XIRP2: variants seen among roughly 807,000 people sequenced by gnomAD.
XIRP2 encodes the protein xin actin binding repeat containing 2.
In XIRP2, 236 loss-of-function variants were observed where a neutral mutation model predicts 277.0. The observed-to-expected ratio is 0.85, with a 90% CI of 0.77 to 0.95. XIRP2 has a LOEUF of 0.95. Among genes scored for constraint, XIRP2 ranks in the 40% least tolerant of loss-of-function variants. The pLI, the probability that XIRP2 is intolerant of heterozygous loss-of-function variation, is 0.00. For missense variants in XIRP2, 4,640 were observed against 4,157.5 expected, an observed-to-expected ratio of 1.12 and a Z score of -3.19; for synonymous variants, 1,490 against 1,416.5, an observed-to-expected ratio of 1.05 and a Z score of -1.17.
intron 1 of XIRP2, chr2:166,889,677 G>C (rs190056840): frequency 2.0e-5 from 3 of 152,656 alleles, no homozygotes; most frequent in Non-Finnish European, 2.9e-5. Context: ...CTCCTTAAAA[G>C]CTCCTTTAGC....
At chr2:166,945,648 T>A (rs1279826937) in intron 2 of XIRP2, among the ~76,000 whole-genome samples, 3 of 150,844 alleles carry the variant, frequency 2.0e-5, no homozygotes, top group African/African-American at 7.3e-5. Flanking sequence ...ATGGCACTGC[T>A]TTACTAAGAT....
chr2:166,898,700 C>T (rs1038664690), intron 1 of XIRP2, among the ~76,000 whole-genome samples: 6 of 152,064 alleles, frequency 3.9e-5, no homozygotes, highest in African/African-American at 1.2e-4. Flanking sequence ...GTAACCACCA[C>T]AGCAATCAAG....
intron 2 of XIRP2, among the ~76,000 whole-genome samples, chr2:166,929,801 T>A (rs1386462295): frequency 6.6e-6 from 1 of 152,194 alleles, no homozygotes; most frequent in Non-Finnish European, 1.5e-5. Context: ...GCCTTTTTAC[T>A]TTTGGCTTCG....
At chr2:167,069,644 C>A (rs1046590916) in intron 2 of XIRP2, among the ~76,000 whole-genome samples, 1 of 152,146 alleles carries the variant, frequency 6.6e-6, no homozygotes, top group Non-Finnish European at 1.5e-5. Flanking sequence ...GCTGCCCCGA[C>A]CCCGACCCTC....
chr2:167,247,594 A>T lies in XIRP2; in HGVS notation c.6202A>T (p.Thr2068Ser), dbSNP rs1307029793. The T allele has an allele frequency of 6.2e-7, 1 of 1,613,748 alleles. No individual in the cohort carries two copies. The highest frequency in any genetic ancestry group is 1.1e-5 in the South Asian group (1 of 91,078). ...SGDKTGVWTD[T>S]TGEQHLRDEY... ...AGACAAAACGGGTGTCTGGACTGAT[A>T]CTACAGGAGAACAGCATCTTAGAGA... Residue 2068 changes from threonine (T) to serine (S), a missense_variant, in exon 9 of 11, where the codon ACT (threonine) becomes TCT (serine). Thr to Ser is a moderately conservative substitution (Grantham distance 58). Transcript: ENST00000409195.
intron 1 of XIRP2, among the ~76,000 whole-genome samples, chr2:166,896,603 G>C (rs1445137202): frequency 6.6e-6 from 1 of 151,908 alleles, no homozygotes; most frequent in African/African-American, 2.4e-5. Context: ...GAGTCAAAAA[G>C]TTTTAAAAAT....
chr2:167,025,708 A>G (rs1385096169), intron 2 of XIRP2, among the ~76,000 whole-genome samples: 1 of 152,044 alleles, frequency 6.6e-6, no homozygotes, highest in Non-Finnish European at 1.5e-5. Flanking sequence ...TCATTTCGTT[A>G]TGTACCCAGT....
intron 3 of XIRP2, among the ~76,000 whole-genome samples, chr2:167,173,738 A>G (rs1158367103): frequency 4.6e-5 from 7 of 152,172 alleles, no homozygotes; most frequent in East Asian, 1.9e-4. Context: ...ACTAATTTAC[A>G]TATTTACTTA....
intron 2 of XIRP2, among the ~76,000 whole-genome samples, chr2:167,128,425 A>G (rs1374415696): frequency 6.6e-6 from 1 of 152,068 alleles, no homozygotes; most frequent in Admixed American, 6.6e-5. Context: ...TCTGCAACAA[A>G]CCATGCACGG....
At chr2:166,926,650 C>T (rs956028176) in intron 2 of XIRP2, among the ~76,000 whole-genome samples, 1 of 152,106 alleles carries the variant, frequency 6.6e-6, no homozygotes, top group African/African-American at 2.4e-5. Flanking sequence ...TTTCAAGTGG[C>T]ATCACTTTCT....
At chr2:167,110,158 G>C (rs2390513) in intron 2 of XIRP2, among the ~76,000 whole-genome samples, 40,271 of 151,960 alleles carry the variant, frequency 0.27, 7,685 homozygotes, top group African/African-American at 0.54. Context: ...CTTTTGTTGT[G>C]CAGAAATTCT....
At chr2:167,179,117 G>A (rs1422817339) in intron 3 of XIRP2, among the ~76,000 whole-genome samples, 1 of 151,916 alleles carries the variant, frequency 6.6e-6, no homozygotes, top group Non-Finnish European at 1.5e-5. Flanking sequence ...TTCTTTTTAT[G>A]TATATTTTTC....
At chr2:167,081,333 G>A (rs1305040243) in intron 2 of XIRP2, among the ~76,000 whole-genome samples, 1 of 152,098 alleles carries the variant, frequency 6.6e-6, no homozygotes, top group Admixed American at 6.6e-5. Context: ...ACTTAGTTGG[G>A]CCTGTAGTCT....
chr2:167,012,197 T>C (rs951184316), intron 2 of XIRP2, among the ~76,000 whole-genome samples: 4 of 151,968 alleles, frequency 2.6e-5, no homozygotes, highest in African/African-American at 9.7e-5. Flanking sequence ...TGTGGGCATT[T>C]AGTGCTATAA....
intron 2 of XIRP2, among the ~76,000 whole-genome samples, chr2:166,952,094 G>A (rs1019877451): frequency 6.6e-5 from 10 of 151,982 alleles, no homozygotes; most frequent in Admixed American, 1.3e-4. Flanking sequence ...AGCTTCAAAT[G>A]TATAAGCACG....
chr2:166,933,958 C>T (rs934424124), intron 2 of XIRP2, among the ~76,000 whole-genome samples: 4 of 151,316 alleles, frequency 2.6e-5, no homozygotes, highest in Non-Finnish European at 4.4e-5. Flanking sequence ...GAAGGACACA[C>T]GTTAAAAAAA....
chr2:166,940,708 C>T (rs375012690), intron 2 of XIRP2, among the ~76,000 whole-genome samples: 79 of 152,308 alleles, frequency 5.2e-4, no homozygotes, highest in African/African-American at 1.7e-3. Context: ...TGCTGGAGGT[C>T]CACTTCAGAC....
At chr2:167,022,785 T>A (rs1239208803) in intron 2 of XIRP2, among the ~76,000 whole-genome samples, 2 of 152,192 alleles carry the variant, frequency 1.3e-5, no homozygotes, top group Non-Finnish European at 2.9e-5. Context: ...GAACTCATCC[T>A]TTTTTATGGC....
intron 2 of XIRP2, among the ~76,000 whole-genome samples, chr2:166,999,502 A>G (rs2105453254): frequency 6.6e-6 from 1 of 152,266 alleles, no homozygotes; most frequent in East Asian, 1.9e-4. Flanking sequence ...AACCATTGGC[A>G]ATGTACATGC....
Sources: gnomAD v4.1 joint callset for allele counts (sites outside exome capture counted in the v4.1 genomes callset) on GRCh38, gnomAD v4.1.1 for gene constraint, MANE v1.5 for transcripts, NCBI Gene and HGNC (gene_info 2026-07-23, HGNC 2026-07-21) for gene names.